Variants in GABBR2 observed in about 807,000 individuals in gnomAD.
GABBR2 encodes the protein G-protein coupled receptor 51.
In GABBR2, 23 loss-of-function variants were observed where a neutral mutation model predicts 105.6. The ratio of observed to expected loss-of-function variants is 0.22; its 90% CI spans 0.16 to 0.31. The LOEUF is 0.31. GABBR2 is among the 10% of genes least tolerant of loss of function. GABBR2 has a pLI of 1.00. For missense variants in GABBR2, 734 were observed against 1,245.5 expected, an observed-to-expected ratio of 0.59 and a Z score of 6.18; for synonymous variants, 478 against 499.7, an observed-to-expected ratio of 0.96 and a Z score of 0.58.
intron 1 of GABBR2, among the ~76,000 whole-genome samples, chr9:98,599,012 G>A (rs955785938): frequency 1.3e-5 from 2 of 152,200 alleles, no homozygotes; most frequent in African/African-American, 2.4e-5. Context: ...AACCATGCCT[G>A]TGCCATCTTT....
chr9:98,542,392 TC>T (rs1828323102), intron 2 of GABBR2, among the ~76,000 whole-genome samples: 1 of 152,204 alleles, frequency 6.6e-6, no homozygotes, highest in Non-Finnish European at 1.5e-5. Flanking sequence ...GAACTGTTTT[TC>T]CCCATTTAAC....
rs375846889 is a variant in GABBR2 at position 98,509,538 on chromosome 9, T to C, written c.631-13024A>G. ...AAGCTTTGAAAAAAAATTAGACGAA[T>C]GGATAACTAGAATAACCAATGCAGA... On this transcript the variant is annotated intron_variant, in intron 3 of 18. Transcript: ENST00000259455. Among the ~76,000 whole-genome samples the C allele has an allele frequency of 1.3e-4, 19 of 151,998 alleles. 1 individual carries two copies. The South Asian group carries it at 3.7e-3, about 30-fold the overall frequency.
chr9:98,504,054 C>T (rs921701620), intron 3 of GABBR2, among the ~76,000 whole-genome samples: 9 of 152,160 alleles, frequency 5.9e-5, no homozygotes, highest in African/African-American at 1.9e-4. Context: ...CCCATCTCCT[C>T]CAGACCCAGG....
At chr9:98,469,045 A>G (rs573805398) in intron 6 of GABBR2, among the ~76,000 whole-genome samples, 1 of 152,358 alleles carries the variant, frequency 6.6e-6, no homozygotes, top group African/African-American at 2.4e-5. Context: ...GCTTAAAACA[A>G]CAGCAGTTTA....
chr9:98,349,311 T>G (rs1831351712), intron 13 of GABBR2, among the ~76,000 whole-genome samples: 1 of 151,746 alleles, frequency 6.6e-6, no homozygotes, highest in Admixed American at 6.6e-5. Context: ...TTTTGATGTG[T>G]TGTTGGATTT....
intron 4 of GABBR2, chr9:98,496,135 G>C: frequency 2.2e-6 from 1 of 452,610 alleles, no homozygotes; most frequent in Non-Finnish European, 4.1e-6. Flanking sequence ...AATCATGTGT[G>C]CCCTGCTTGC....
intron 13 of GABBR2, among the ~76,000 whole-genome samples, chr9:98,335,639 G>A (rs1314741635): frequency 1.3e-5 from 2 of 151,704 alleles, no homozygotes; most frequent in Non-Finnish European, 2.9e-5. Flanking sequence ...TGAGAACCAC[G>A]AGTCAAGTTT....
intron 3 of GABBR2, among the ~76,000 whole-genome samples, chr9:98,506,776 C>T (rs1191015882): frequency 1.3e-5 from 2 of 152,188 alleles, no homozygotes; most frequent in Non-Finnish European, 2.9e-5. Flanking sequence ...ACATCAAGAC[C>T]TCATGGCAGC....
At chr9:98,343,764 A>G (rs1831255612) in intron 13 of GABBR2, among the ~76,000 whole-genome samples, 1 of 152,142 alleles carries the variant, frequency 6.6e-6, no homozygotes, top group Non-Finnish European at 1.5e-5. Flanking sequence ...AGGCTGAGGC[A>G]GGAGAATGTC....
At position 98,403,293 on chromosome 9, in the gene GABBR2, CAAAAA is replaced by C. The variant is rs546167489; in HGVS notation, c.1297+2783_1297+2787del. On this transcript the variant is annotated intron_variant, in intron 8 of 18. Transcript: ENST00000259455. ...TGGGTGACACAGTGAGACTCCGTCTCAAAAAAAAAAAAAAAAAAAAAAATCATGTA... is the reference window on the plus strand; with the variant it reads ...TGGGTGACACAGTGAGACTCCGTCTCAAAAAAAAAAAAAAAAAATCATGTA... 4.3e-3 allele frequency among the ~76,000 whole-genome samples: 373 copies of C among 86,126 alleles called. 1 individual carries two copies. The highest frequency in any genetic ancestry group is 0.015 in the African/African-American group (344 of 22,334). 56.5% of individuals were successfully genotyped at this position (86,126 alleles called of 152,430 possible).
At chr9:98,626,176 G>A (rs1351737033) in intron 1 of GABBR2, among the ~76,000 whole-genome samples, 1 of 152,214 alleles carries the variant, frequency 6.6e-6, no homozygotes, top group Non-Finnish European at 1.5e-5. Flanking sequence ...TCATTTATAG[G>A]AAACGTCCAG....
At chr9:98,648,128 G>GTGTGTGTGTGT (rs1271189831) in intron 1 of GABBR2, among the ~76,000 whole-genome samples, 1 of 72,238 alleles carries the variant, frequency 1.4e-5, no homozygotes, top group East Asian at 2.6e-4. Context: ...TAGATAGATA[G>GTGTGTGTGTGT]ATAGATAGAT....
At chr9:98,586,284 C>CTTTTTTT (rs569530376) in intron 1 of GABBR2, among the ~76,000 whole-genome samples, 24 of 131,014 alleles carry the variant, frequency 1.8e-4, no homozygotes, top group Non-Finnish European at 2.6e-4. Flanking sequence ...TCTTTTCTTT[C>CTTTTTTT]TTTTTTTTTT....
At chr9:98,670,473 C>T (rs1830393898) in intron 1 of GABBR2, among the ~76,000 whole-genome samples, 2 of 152,208 alleles carry the variant, frequency 1.3e-5, no homozygotes, top group Admixed American at 6.5e-5. Context: ...AGCAATTCTA[C>T]CTCTACGTAT....
At chr9:98,610,233 G>C (rs1256192575) in intron 1 of GABBR2, among the ~76,000 whole-genome samples, 1 of 152,168 alleles carries the variant, frequency 6.6e-6, no homozygotes, top group East Asian at 1.9e-4. Context: ...TAACCTCTCT[G>C]AGCCTCAGTT....
At chr9:98,684,888 C>A (rs1230699778) in intron 1 of GABBR2, among the ~76,000 whole-genome samples, 1 of 152,198 alleles carries the variant, frequency 6.6e-6, no homozygotes, top group Admixed American at 6.5e-5. Flanking sequence ...TGCATCACCA[C>A]CTCCTCCCAA....
chr9:98,432,678 G>A (rs1261032973), intron 7 of GABBR2, among the ~76,000 whole-genome samples: 1 of 152,152 alleles, frequency 6.6e-6, no homozygotes, highest in African/African-American at 2.4e-5. Context: ...GTAAATGTTG[G>A]TTCTCATCAT....
intron 13 of GABBR2, among the ~76,000 whole-genome samples, chr9:98,324,569 T>C (rs1830887251): frequency 6.7e-6 from 1 of 149,982 alleles, no homozygotes; most frequent in African/African-American, 2.5e-5. Flanking sequence ...AACAATATAC[T>C]CATTTCATTT....
intron 1 of GABBR2, among the ~76,000 whole-genome samples, chr9:98,614,249 C>T (rs180721059): frequency 1.8e-4 from 27 of 152,252 alleles, no homozygotes; most frequent in East Asian, 5.8e-4. Context: ...CTAGGCTGGG[C>T]GCGGTGGCTC....
Sources: gnomAD v4.1 joint callset for allele counts (sites outside exome capture counted in the v4.1 genomes callset) on GRCh38, gnomAD v4.1.1 for gene constraint, MANE v1.5 for transcripts, NCBI Gene and HGNC (gene_info 2026-07-23, HGNC 2026-07-21) for gene names.